Variants in NEK2 observed in about 807,000 individuals in gnomAD.
NEK2 encodes NIMA related kinase 2.
NEK2 carries 28 observed loss-of-function variants against 54.1 expected under a neutral mutation model. The observed-to-expected ratio is 0.52, with a 90% confidence interval of 0.38 to 0.71. The LOEUF is 0.71. NEK2 is among the 30% of genes least tolerant of loss of function. The pLI, the probability that NEK2 is intolerant of heterozygous loss-of-function variation, is 0.00. For missense variants in NEK2, 407 were observed against 531.5 expected, an observed-to-expected ratio of 0.77 and a Z score of 2.30; for synonymous variants, 176 against 193.1, an observed-to-expected ratio of 0.91 and a Z score of 0.73.
In NEK2 at chr1:211,671,260, T is replaced by C. The variant is rs774072704; in HGVS notation, c.580A>G (p.Asn194Asp). 8 of 1,613,506 alleles carry C rather than the reference T, an allele frequency of 5.0e-6. No homozygotes were observed. In the African/African-American group the frequency reaches 8.0e-5, roughly 16 times the overall value. ...AATGACCAGATATCTGATTTCTCAT[T>C]GTAGGACATGCGATTCATTTGTTCC... is the stretch of plus-strand genomic sequence containing the variant. ...SPEQMNRMSY[N>D]EKSDIWSLGC... The change falls in exon 4 of 8, where the codon AAT becomes GAT. Residue 194 changes from asparagine to aspartate, a missense_variant. By Grantham distance (23) the Asn-to-Asp change is conservative. Transcript: ENST00000366999.
chr1:211,672,803 T>G (rs1046143356), intron 3 of NEK2, among the ~76,000 whole-genome samples: 1 of 152,138 alleles, frequency 6.6e-6, no homozygotes, highest in Non-Finnish European at 1.5e-5. Flanking sequence ...CCATTTCATT[T>G]TTGTAATCCT....
chr1:211,660,455 T>G, downstream of NEK2: 1 of 699,606 alleles, frequency 1.4e-6, no homozygotes, highest in East Asian at 3.3e-5. Flanking sequence ...ACCAGCCAGC[T>G]GCATTTGTTG....
intron 2 of NEK2, 117 bp downstream of exon 2, chr1:211,674,179 T>C (rs1051797352): frequency 2.5e-6 from 2 of 803,224 alleles, no homozygotes; most frequent in Admixed American, 2.9e-5. Context: ...TAAAGTACTG[T>C]GGACCTACCA....
intron 1 of NEK2, among the ~76,000 whole-genome samples, chr1:211,674,935 T>C (rs937379933): frequency 6.6e-6 from 1 of 152,196 alleles, no homozygotes; most frequent in African/African-American, 2.4e-5. Flanking sequence ...TTACTTTCTG[T>C]AAAAGTTCTA....
At chr1:211,669,505 A>G (rs1429594922) in intron 5 of NEK2, 173 bp from the exon 6 acceptor site, 47 of 617,000 alleles carry the variant, frequency 7.6e-5, no homozygotes, top group Non-Finnish European at 1.2e-4. Flanking sequence ...TTAACTCATG[A>G]GGTTCTGGGT....
rs772218924 is a variant in NEK2, at chr1:211,669,319, G to A, written c.779C>T (p.Pro260Leu). 1 of 1,614,032 alleles carries A rather than the reference G, an allele frequency of 6.2e-7. No homozygotes were observed. The highest frequency in any genetic ancestry group is 8.5e-7 in the Non-Finnish European group (1 of 1,179,958). ...RMLNLKDYHR[P>L]SVEEILENPL... ...GTTCTCAAGAATTTCTTCAACAGAA[G>A]GTCGATGGTAATCCTGGGGAAAAAA... Residue 260 changes from proline (P) to leucine (L), a missense_variant, in exon 6 of 8, where the codon CCT becomes CTT. Pro to Leu is a moderately conservative substitution (Grantham distance 98). Transcript: ENST00000366999.
rs1361795181 is a variant in NEK2, at chr1:211,663,261, C to A, written c.*165G>T. 4.3e-6 allele frequency: 6 copies of A among 1,395,262 alleles called. No individual in the cohort carries two copies. Among genetic ancestry groups the A allele is most frequent in the Non-Finnish European group, 5.6e-6 (6 of 1,072,278 alleles). The allele number at this position is 1,395,262 out of a possible 1,614,324, so 86.4% of individuals were successfully genotyped here. On this transcript the variant is annotated 3_prime_UTR_variant, in exon 8 of 8. Transcript: ENST00000366999. ...AAAAATTAAATGTGAACATTTTGTA[C>A]AATAGTTGCTGAAGAACAGTAAAAC...
At chr1:211,675,328 G>C (rs890751283) in intron 1 of NEK2, 56 bp downstream of exon 1, 1 of 1,526,888 alleles carries the variant, frequency 6.5e-7, no homozygotes, top group Non-Finnish European at 9.1e-7. Flanking sequence ...CAGGGCGCTC[G>C]CCCCGAGGCG....
At chr1:211,674,569 T>C (rs1477798470) in intron 1 of NEK2, 56 bp from the exon 2 acceptor site, 2 of 1,329,608 alleles carry the variant, frequency 1.5e-6, no homozygotes, top group African/African-American at 2.9e-5. Context: ...AAACAAAGAA[T>C]GAAAGTTCCA....
intron 1 of NEK2, 24 bp downstream of exon 1, chr1:211,675,360 G>A: frequency 6.2e-7 from 1 of 1,606,752 alleles, no homozygotes; most frequent in Non-Finnish European, 8.5e-7. Flanking sequence ...GCAGGGGCAG[G>A]CGCAGGGTAG....
chr1:211,670,307 T>C lies in NEK2; in HGVS notation c.739A>G (p.Ile247Val). The change falls in exon 5 of 8, where the codon ATT becomes GTT. Residue 247 changes from isoleucine to valine, a missense_variant. Transcript: ENST00000366999. Reference protein sequence around the residue: ...PYRYSDELNEIITRMLNLKDY... With the variant: ...PYRYSDELNEVITRMLNLKDY... ...TTTAAGTTTAACATCCTCGTAATAA[T>C]TTCATTCAATTCATCAGAGTAACGG... 7 of 1,611,028 alleles carry C rather than the reference T, an allele frequency of 4.3e-6. No individual in the cohort carries two copies. Among genetic ancestry groups the C allele is most frequent in the Non-Finnish European group, 4.2e-6 (5 of 1,178,772 alleles).
At chr1:211,669,468 C>CT in intron 5 of NEK2, 136 bp from the exon 6 acceptor site, 3 of 720,278 alleles carry the variant, frequency 4.2e-6, no homozygotes, top group African/African-American at 1.8e-5. Context: ...GTCTTAAAAA[C>CT]TTGGAAAAAT....
downstream of NEK2, chr1:211,660,648 G>A (rs2102436641): frequency 3.1e-6 from 2 of 654,908 alleles, no homozygotes; most frequent in Non-Finnish European, 5.8e-6. Context: ...AGAAAGAGTA[G>A]AAAACTGTCT....
At chr1:211,663,782 C>A in intron 7 of NEK2, 130 bp from the exon 8 acceptor site, 1 of 871,038 alleles carries the variant, frequency 1.1e-6, no homozygotes, top group Non-Finnish European at 1.7e-6. Flanking sequence ...TTTATTTTCT[C>A]TGGGATAGGA....
chr1:211,661,073 C>T (rs983511027), downstream of NEK2: 53 of 742,770 alleles, frequency 7.1e-5, no homozygotes, highest in African/African-American at 2.9e-4. Flanking sequence ...CGTCAAACCC[C>T]GGTGATAACT....
intron 6 of NEK2, among the ~76,000 whole-genome samples, chr1:211,668,791 A>G (rs1364108249): frequency 6.6e-6 from 1 of 152,160 alleles, no homozygotes; most frequent in Non-Finnish European, 1.5e-5. Flanking sequence ...CAGTGGGAAA[A>G]CATTAGGGTA....
In NEK2 at chr1:211,663,457, A is replaced by G. The variant is rs202099146; in HGVS notation, c.1307T>C (p.Leu436Pro). Residue 436 changes from leucine (L) to proline (P), a missense_variant, in exon 8 of 8, where the codon CTG (leucine) becomes CCG (proline). By Grantham distance (98) the Leu-to-Pro change is moderately conservative (BLOSUM62 -3). Transcript: ENST00000366999. ...CATGCCCAGGATCTGTCTGCTTTTC[A>G]GTTGGTAATTTTTCTCAATATCTGA... ...ALSDIEKNYQ[L>P]KSRQILGMR 359 of 1,613,588 alleles carry G rather than the reference A, an allele frequency of 2.2e-4. No individual in the cohort carries two copies. The highest frequency in any genetic ancestry group is 2.9e-4 in the Non-Finnish European group (344 of 1,179,684).
chr1:211,662,517 C>A (rs1655041324), downstream of NEK2, among the ~76,000 whole-genome samples: 1 of 152,158 alleles, frequency 6.6e-6, no homozygotes, highest in Admixed American at 6.5e-5. This position sits in a 1 kb window ranked among gnomAD's most constrained non-coding sequence, Gnocchi z 4.2. Flanking sequence ...GCACCCTACC[C>A]CAAATCATGA....
At chr1:211,665,886 C>T (rs1655163210) in intron 7 of NEK2, among the ~76,000 whole-genome samples, 2 of 152,170 alleles carry the variant, frequency 1.3e-5, no homozygotes, top group Admixed American at 1.3e-4. Flanking sequence ...AAATTGATCA[C>T]ACTACATCTC....
Sources: allele counts gnomAD v4.1 joint callset (sites outside exome capture counted in the v4.1 genomes callset), GRCh38; gene constraint gnomAD v4.1.1; non-coding constraint Gnocchi (gnomAD v3.1); transcripts MANE v1.5; gene names NCBI Gene and HGNC (gene_info 2026-07-23, HGNC 2026-07-21).